PCDHGA3: variants seen among roughly 807,000 people sequenced by gnomAD.
PCDHGA3 encodes protocadherin gamma-A3.
In PCDHGA3, 40 loss-of-function variants were observed where a neutral mutation model predicts 58.5. That is an observed-to-expected ratio of 0.68 (90% CI 0.53 to 0.89). PCDHGA3 has a LOEUF of 0.89. Among genes scored for constraint, PCDHGA3 ranks in the 40% least tolerant of loss-of-function variants. PCDHGA3 has a pLI of 0.00. For synonymous variants in PCDHGA3, 530 were observed against 525.7 expected, an observed-to-expected ratio of 1.01 and a Z score of -0.11; for missense variants, 1,223 against 1,195.9, an observed-to-expected ratio of 1.02 and a Z score of -0.33.
chr5:141,375,314 G>A, intron 1 of PCDHGA3: 1 of 1,613,798 alleles, frequency 6.2e-7, no homozygotes, highest in South Asian at 1.1e-5. Flanking sequence ...TGCAGCTCTA[G>A]ACCGGGAAGA....
intron 1 of PCDHGA3, chr5:141,423,757 G>A: frequency 5.1e-6 from 2 of 395,134 alleles, no homozygotes; most frequent in Non-Finnish European, 7.1e-6. Flanking sequence ...GTTTGGGGGG[G>A]GGGTGGGGCG....
chr5:141,360,598 G>C (rs1761668512), intron 1 of PCDHGA3: 1 of 1,613,956 alleles, frequency 6.2e-7, no homozygotes, highest in Non-Finnish European at 8.5e-7. Flanking sequence ...ATTTCCACTT[G>C]ACCCAGCCCT....
At chr5:141,392,766 C>T (rs1196100164) in intron 1 of PCDHGA3, 1 of 1,488,966 alleles carries the variant, frequency 6.7e-7, no homozygotes. Flanking sequence ...AAATAAGACC[C>T]ATTTATGCAC....
chr5:141,491,233 G>T lies in PCDHGA3; in HGVS notation c.2425-3574G>T. 1 of 1,614,224 alleles carries T rather than the reference G, an allele frequency of 6.2e-7. No homozygotes were observed. The highest frequency in any genetic ancestry group is 2.2e-5 in the East Asian group (1 of 44,890). On this transcript the variant is annotated intron_variant, in intron 1 of 3. Transcript: ENST00000253812. The surrounding 1 kb of genome is among the most constrained non-coding windows in gnomAD (Gnocchi z 6.9). ...CTCCTCCACAGCCACAGTGCTGCTG[G>T]TTCTGGAGGATGAGGACCCTGAGGA...
chr5:141,431,239 G>A lies in PCDHGA3; in HGVS notation c.2425-63568G>A. 6.2e-7 allele frequency: 1 copy of A among 1,614,152 alleles called. No homozygotes were observed. The highest frequency in any genetic ancestry group is 1.3e-5 in the African/African-American group (1 of 75,062). On this transcript the variant is annotated intron_variant, in intron 1 of 3. Transcript: ENST00000253812. This position sits in a 1 kb window ranked among gnomAD's most constrained non-coding sequence, Gnocchi z 4.8. ...TCCCTCTACCCCACGCCTGGGATCC[G>A]GATATCGGGAAGAACTCTCTGCAGA...
intron 1 of PCDHGA3, chr5:141,371,678 C>A: frequency 2.5e-6 from 4 of 1,614,040 alleles, no homozygotes; most frequent in Non-Finnish European, 3.4e-6. Flanking sequence ...CCGACAAAGG[C>A]AATCCACCGC....
chr5:141,354,006 T>C (rs949928524), intron 1 of PCDHGA3, among the ~76,000 whole-genome samples: 1 of 152,236 alleles, frequency 6.6e-6, no homozygotes, highest in Non-Finnish European at 1.5e-5. Flanking sequence ...GATTAGTAAA[T>C]TACTGTAAGT....
chr5:141,501,290 T>C lies in PCDHGA3; in HGVS notation c.2484-4103T>C, dbSNP rs796726601. Among the ~76,000 whole-genome samples, 19 of 136,248 alleles carry C rather than the reference T, an allele frequency of 1.4e-4. No individual in the cohort carries two copies. The South Asian group carries it at 2.4e-3, about 17-fold the overall frequency. 89.4% of individuals were successfully genotyped at this position (136,248 alleles called of 152,430 possible). ...GTCCAGTCTATGGGATATTCCCTTA[T>C]ACACACACACACACACACACACACA... On this transcript the variant is annotated intron_variant, in intron 2 of 3. Coordinates refer to ENST00000253812, the MANE Select transcript of PCDHGA3 (RefSeq NM_018916.4).
chr5:141,361,133 TC>T, intron 1 of PCDHGA3: 1 of 1,613,962 alleles, frequency 6.2e-7, no homozygotes, highest in South Asian at 1.1e-5. Context: ...CACTGCAGTA[TC>T]CAAGTTGAAA....
At chr5:141,371,133 T>A in intron 1 of PCDHGA3, 2 of 1,614,000 alleles carry the variant, frequency 1.2e-6, no homozygotes, top group Non-Finnish European at 1.7e-6. Context: ...TCAGGACATG[T>A]ACAGGGTCAA....
chr5:141,369,623 T>A (rs996291828), intron 1 of PCDHGA3, among the ~76,000 whole-genome samples: 4 of 152,224 alleles, frequency 2.6e-5, no homozygotes, highest in Admixed American at 2.6e-4. Flanking sequence ...CATTTCCTCA[T>A]TACCTTTAAC....
chr5:141,393,712 A>G, intron 1 of PCDHGA3: 1 of 1,613,874 alleles, frequency 6.2e-7, no homozygotes, highest in Non-Finnish European at 8.5e-7. Flanking sequence ...AATACTGGGG[A>G]AATATCAATA....
chr5:141,419,769 C>T (rs773303779), intron 1 of PCDHGA3: 6 of 1,613,888 alleles, frequency 3.7e-6, no homozygotes, highest in Non-Finnish European at 4.2e-6. Context: ...GACAAGGACT[C>T]GGTCCGCCAG....
At position 141,432,003 on chromosome 5, in the gene PCDHGA3, T is replaced by A; in HGVS notation, c.2425-62804T>A. On this transcript the variant is annotated intron_variant, in intron 1 of 3. Coordinates refer to ENST00000253812, the MANE Select transcript of PCDHGA3 (RefSeq NM_018916.4). This position sits in a 1 kb window ranked among gnomAD's most constrained non-coding sequence, Gnocchi z 6.0. ...GACATAGTCTTGGATAGGGAACAGG[T>A]TCCTAGCTACAACATCACAGTGACC... The A allele has an allele frequency of 6.2e-7, 1 of 1,614,116 alleles. No individual in the cohort carries two copies.
At chr5:141,484,889 TC>T (rs1312115219) in intron 1 of PCDHGA3, 2 of 362,958 alleles carry the variant, frequency 5.5e-6, no homozygotes, top group Admixed American at 8.9e-5. Flanking sequence ...GTGGGCTTTT[TC>T]CCCTCCAATG....
chr5:141,463,653 G>A (rs1378583183), intron 1 of PCDHGA3, among the ~76,000 whole-genome samples: 2 of 151,764 alleles, frequency 1.3e-5, no homozygotes, highest in Admixed American at 6.6e-5. Context: ...GGGTTTCACC[G>A]TGTTAGCCAG....
Position 141,375,135 on chromosome 5 carries a change from C to T in PCDHGA3, c.2424+28678C>T, listed in dbSNP as rs757101411. The T allele has an allele frequency of 3.7e-6, 6 of 1,613,924 alleles. No homozygotes were observed. In the East Asian group the frequency reaches 1.3e-4, roughly 36 times the overall value. ...AATGTACCAGAAGTGGTTGTTACATCTGGAAGCAGAACAATTGCTGAAAGT... is the reference window on the plus strand; with the variant it reads ...AATGTACCAGAAGTGGTTGTTACATTTGGAAGCAGAACAATTGCTGAAAGT... On this transcript the variant is annotated intron_variant, in intron 1 of 3. Coordinates refer to ENST00000253812, the MANE Select transcript of PCDHGA3 (RefSeq NM_018916.4).
At position 141,477,004 on chromosome 5, in the gene PCDHGA3, C is replaced by T. The variant is rs1390668803; in HGVS notation, c.2425-17803C>T. On this transcript the variant is annotated intron_variant, in intron 1 of 3. Coordinates refer to ENST00000253812, the MANE Select transcript of PCDHGA3 (RefSeq NM_018916.4). The surrounding 1 kb of genome is among the most constrained non-coding windows in gnomAD (Gnocchi z 4.9). ...GCGCCGGCGTGCGGCAACTATTCGC[C>T]TTAGACCTTGTAACCGGGATGCTGA... is the stretch of plus-strand genomic sequence containing the variant. 3 of 1,614,236 alleles carry T rather than the reference C, an allele frequency of 1.9e-6. No homozygotes were observed. The highest frequency in any genetic ancestry group is 2.5e-6 in the Non-Finnish European group (3 of 1,180,042).
intron 1 of PCDHGA3, among the ~76,000 whole-genome samples, chr5:141,469,716 A>G (rs1189597018): frequency 3.9e-5 from 6 of 152,260 alleles, no homozygotes; most frequent in African/African-American, 1.4e-4. Context: ...CACTATTAGG[A>G]ATTTATCATA....
Sources: gnomAD v4.1 joint callset for allele counts (sites outside exome capture counted in the v4.1 genomes callset) on GRCh38, gnomAD v4.1.1 for gene constraint, Gnocchi (gnomAD v3.1) non-coding constraint, MANE v1.5 for transcripts, NCBI Gene and HGNC (gene_info 2026-07-23, HGNC 2026-07-21) for gene names.